Variants in DISC1 observed in about 807,000 individuals in gnomAD.
The protein encoded by DISC1 is DISC1 scaffold protein, also known as disrupted in schizophrenia 1 protein.
A neutral mutation model predicts 84.5 loss-of-function variants in DISC1; 57 were observed. The ratio of observed to expected loss-of-function variants is 0.67; its 90% confidence interval spans 0.55 to 0.84. The LOEUF (loss-of-function observed/expected upper bound fraction) is 0.84, where lower values mean the gene tolerates loss of function less well. Among genes scored for constraint, DISC1 ranks in the 40% least tolerant of loss-of-function variants. The probability of loss-of-function intolerance (pLI) is 0.00; values close to 1 mark genes in which losing one functional copy is unlikely to be tolerated. For synonymous variants in DISC1, 411 were observed against 415.2 expected, an observed-to-expected ratio of 0.99 and a Z score of 0.12; for missense variants, 1,000 against 1,057.8, an observed-to-expected ratio of 0.95 and a Z score of 0.76.
chr1:231,784,818 G>A (rs2077706391), intron 6 of DISC1, among the ~76,000 whole-genome samples: 4 of 152,166 alleles, frequency 2.6e-5, no homozygotes, highest in Admixed American at 2.6e-4. Flanking sequence ...GGCAAGCAGA[G>A]GCCCTGGTGC....
At position 232,040,730 on chromosome 1, in the gene DISC1, CTG is replaced by C. The variant is rs971218639; in HGVS notation, c.*3900_*3901del. The C allele has an allele frequency of 1.1e-4, 17 of 152,298 alleles. No individual in the cohort carries two copies. Among genetic ancestry groups the C allele is most frequent in the African/African-American group, 3.1e-4 (13 of 41,558 alleles). The allele number at this position is 152,298 out of a possible 1,614,324, so 9.4% of individuals were successfully genotyped here. ...AATCTTGGTTAGGGAGTCAAAGAAA[CTG>C]AGCCTGGGGCAAACGAGGCTTCCCA... On this transcript the variant is annotated 3_prime_UTR_variant, in exon 13 of 13. Transcript: ENST00000439617.
chr1:231,782,936 T>A (rs141050933), intron 6 of DISC1, among the ~76,000 whole-genome samples: 54 of 152,042 alleles, frequency 3.6e-4, no homozygotes, highest in African/African-American at 1.2e-3. Flanking sequence ...AGCAAGACTG[T>A]CTCAAAAAAT....
At chr1:231,781,262 A>T (rs1382576289) in intron 6 of DISC1, among the ~76,000 whole-genome samples, 1 of 136,510 alleles carries the variant, frequency 7.3e-6, no homozygotes, top group Non-Finnish European at 1.6e-5. Flanking sequence ...AGAACAAAGG[A>T]GGGTGAAAAA....
intron 6 of DISC1, among the ~76,000 whole-genome samples, chr1:231,782,383 G>A (rs1003893151): frequency 6.6e-6 from 1 of 152,096 alleles, no homozygotes; most frequent in Non-Finnish European, 1.5e-5. Flanking sequence ...CCAGTTTTAG[G>A]AATCAGGCTG....
At chr1:231,858,425 C>CT (rs905463202) in intron 9 of DISC1, among the ~76,000 whole-genome samples, 6 of 152,132 alleles carry the variant, frequency 3.9e-5, no homozygotes, top group Non-Finnish European at 8.8e-5. Flanking sequence ...TCCTGTGGAT[C>CT]TTTTTTGAAA....
intron 2 of DISC1, 37 bp downstream of exon 2, chr1:231,694,842 C>T (rs191312049): frequency 2.7e-5 from 44 of 1,606,728 alleles, no homozygotes; most frequent in Middle Eastern, 1.7e-4. Flanking sequence ...CCGAGATTGT[C>T]GTGAGCTCAG....
At chr1:231,842,976 C>A (rs567658316) in intron 9 of DISC1, among the ~76,000 whole-genome samples, 1 of 152,248 alleles carries the variant, frequency 6.6e-6, no homozygotes, top group Non-Finnish European at 1.5e-5. Context: ...CCACTACGTG[C>A]CGGGCTGTGT....
intron 5 of DISC1, among the ~76,000 whole-genome samples, chr1:231,768,278 C>G (rs1377540238): frequency 2.0e-5 from 3 of 152,154 alleles, no homozygotes; most frequent in Non-Finnish European, 2.9e-5. Flanking sequence ...CACCCAAGTT[C>G]AAATCCTGGC....
chr1:231,649,428 G>A, intron 1 of DISC1, among the ~76,000 whole-genome samples: 1 of 152,184 alleles, frequency 6.6e-6, no homozygotes, highest in Non-Finnish European at 1.5e-5. Flanking sequence ...GAGACAGTTT[G>A]TTATGATTTC....
intron 3 of DISC1, among the ~76,000 whole-genome samples, chr1:231,713,841 G>GATAT (rs1229580191): frequency 3.8e-5 from 5 of 132,738 alleles, no homozygotes; most frequent in African/African-American, 1.1e-4. Flanking sequence ...ATATATAGGA[G>GATAT]ATATATATAT....
At chr1:231,860,104 G>A (rs995306046) in intron 9 of DISC1, among the ~76,000 whole-genome samples, 2 of 152,172 alleles carry the variant, frequency 1.3e-5, no homozygotes, top group Admixed American at 1.3e-4. Context: ...GAGAAATGGA[G>A]TGATGTCTTT....
At chr1:231,789,201 A>G (rs2078125949) in intron 6 of DISC1, among the ~76,000 whole-genome samples, 1 of 152,178 alleles carries the variant, frequency 6.6e-6, no homozygotes, top group Non-Finnish European at 1.5e-5. Flanking sequence ...GAGGTGAGCA[A>G]AGACTTGCAG....
At chr1:231,726,796 T>A (rs1558433023) in intron 3 of DISC1, among the ~76,000 whole-genome samples, 1 of 152,254 alleles carries the variant, frequency 6.6e-6, no homozygotes, top group South Asian at 2.1e-4. Context: ...TTTTAGAATA[T>A]CAGGAAAAGA....
At chr1:232,004,805 T>C (rs1667131534) in intron 10 of DISC1, among the ~76,000 whole-genome samples, 1 of 152,080 alleles carries the variant, frequency 6.6e-6, no homozygotes, top group African/African-American at 2.4e-5. Flanking sequence ...CCTGCTCCAG[T>C]GCATCGCTCA....
At chr1:231,884,093 T>C (rs894817499) in intron 9 of DISC1, among the ~76,000 whole-genome samples, 2 of 152,098 alleles carry the variant, frequency 1.3e-5, no homozygotes, top group African/African-American at 4.8e-5. Context: ...GTGGGGCAGC[T>C]GCATTCCACA....
At chr1:231,884,526 T>C (rs189168379) in intron 9 of DISC1, among the ~76,000 whole-genome samples, 2 of 152,200 alleles carry the variant, frequency 1.3e-5, no homozygotes, top group African/African-American at 2.4e-5. Context: ...TGATTTCATG[T>C]CTTTGTTATT....
chr1:231,996,535 A>C (rs2102942882), intron 10 of DISC1, among the ~76,000 whole-genome samples: 1 of 152,262 alleles, frequency 6.6e-6, no homozygotes, highest in South Asian at 2.1e-4. Context: ...CCTTTAAGTG[A>C]ACATATTAAT....
At chr1:231,717,440 C>T (rs570499240) in intron 3 of DISC1, among the ~76,000 whole-genome samples, 1 of 152,230 alleles carries the variant, frequency 6.6e-6, no homozygotes, top group South Asian at 2.1e-4. Context: ...TGGAGCCTTG[C>T]TACAGTTTGA....
At chr1:231,762,074 CT>C (rs371257902) in intron 4 of DISC1, among the ~76,000 whole-genome samples, 374 of 152,140 alleles carry the variant, frequency 2.5e-3, no homozygotes, top group African/African-American at 8.6e-3. Context: ...CACATTTTAT[CT>C]TTTTTTCTTT....
Sources: gnomAD v4.1 joint callset for allele counts (sites outside exome capture counted in the v4.1 genomes callset) on GRCh38, gnomAD v4.1.1 for gene constraint, MANE v1.5 for transcripts, NCBI Gene and HGNC (gene_info 2026-07-23, HGNC 2026-07-21) for gene names.